ADCY2: variants seen among roughly 807,000 people sequenced by gnomAD.
ADCY2 encodes adenylate cyclase 2, also known as adenylate cyclase type 2.
ADCY2 carries 31 observed loss-of-function variants against 125.2 expected under a neutral mutation model. The ratio of observed to expected loss-of-function variants is 0.25; its 90% CI spans 0.19 to 0.33. The LOEUF (loss-of-function observed/expected upper bound fraction) is 0.33. Among genes scored for constraint, ADCY2 ranks in the 10% least tolerant of loss-of-function variants. The pLI, the probability that ADCY2 is intolerant of heterozygous loss-of-function variation, is 1.00. For synonymous variants in ADCY2, 512 were observed against 548.4 expected, an observed-to-expected ratio of 0.93 and a Z score of 0.93; for missense variants, 904 against 1,418.2, an observed-to-expected ratio of 0.64 and a Z score of 5.82.
intron 4 of ADCY2, among the ~76,000 whole-genome samples, chr5:7,644,050 T>A (rs1418233402): frequency 3.3e-5 from 5 of 152,138 alleles, no homozygotes; most frequent in Admixed American, 2.6e-4. Flanking sequence ...TCTCTTATTT[T>A]AAAATAAATA....
chr5:7,606,523 T>A (rs1159866891), intron 3 of ADCY2, among the ~76,000 whole-genome samples: 1 of 152,234 alleles, frequency 6.6e-6, no homozygotes, highest in East Asian at 1.9e-4. Flanking sequence ...TAAATCTAAA[T>A]TTGGTCCATG....
In ADCY2 at chr5:7,709,218, G is replaced by A. The variant is rs1286144658; in HGVS notation, c.1409G>A (p.Arg470Gln). 4 of 1,608,956 alleles carry A rather than the reference G, an allele frequency of 2.5e-6. No homozygotes were observed. The highest frequency in any genetic ancestry group is 1.7e-5 in the Admixed American group (1 of 59,262). ...TTTGTTTCTCACCCCAAGGGAGAAC[G>A]ACGGAGCCCCCAGCATCTCTTCAGA... ...TYFVINPKGE[R>Q]RSPQHLFRPR... The change falls in exon 10 of 25, where the codon CGA becomes CAA. Residue 470 changes from arginine to glutamine, a missense_variant. Transcript: ENST00000338316. The surrounding 1 kb of genome is among the most constrained non-coding windows in gnomAD (Gnocchi z 4.4).
At chr5:7,466,746 A>C (rs1417351102) in intron 2 of ADCY2, among the ~76,000 whole-genome samples, 2 of 152,190 alleles carry the variant, frequency 1.3e-5, no homozygotes, top group African/African-American at 4.8e-5. Context: ...CATCATTTCA[A>C]ATTGAATCAG....
chr5:7,483,813 A>G (rs1742826830), intron 2 of ADCY2, among the ~76,000 whole-genome samples: 1 of 152,198 alleles, frequency 6.6e-6, no homozygotes, highest in Admixed American at 6.5e-5. Flanking sequence ...ATCTGGTTCA[A>G]TACACAAAAT....
At position 7,396,801 on chromosome 5, in the gene ADCY2, C is replaced by A. The variant is rs1258744229; in HGVS notation, c.210+295C>A. On this transcript the variant is annotated intron_variant, in intron 1 of 24. Transcript: ENST00000338316. The surrounding 1 kb of genome is among the most constrained non-coding windows in gnomAD (Gnocchi z 5.7). ...GTGTGCTTTTTGCATCTTTGCGCAC[C>A]CGCTGGCAAACTCTGCGCTTTCCGC... 6.6e-6 allele frequency among the ~76,000 whole-genome samples: 1 copy of A among 152,148 alleles called. No homozygotes were observed. Among genetic ancestry groups the A allele is most frequent in the Non-Finnish European group, 1.5e-5 (1 of 68,018 alleles).
chr5:7,664,910 C>A (rs890969), intron 4 of ADCY2, among the ~76,000 whole-genome samples: 23,522 of 152,102 alleles, frequency 0.15, 1,876 homozygotes, highest in Middle Eastern at 0.21. Flanking sequence ...TCATTGATCC[C>A]AGGTCTTCAG....
chr5:7,572,974 T>C (rs1736111249), intron 3 of ADCY2, among the ~76,000 whole-genome samples: 1 of 152,060 alleles, frequency 6.6e-6, no homozygotes, highest in Non-Finnish European at 1.5e-5. Flanking sequence ...GTCTTTAGGG[T>C]GGGCTGTAAT....
At chr5:7,534,133 G>C (rs1243721491) in intron 3 of ADCY2, among the ~76,000 whole-genome samples, 1 of 152,150 alleles carries the variant, frequency 6.6e-6, no homozygotes, top group Non-Finnish European at 1.5e-5. Flanking sequence ...CTACCTCTGG[G>C]CAGGCCCCTC....
chr5:7,561,920 G>A (rs934094655), intron 3 of ADCY2, among the ~76,000 whole-genome samples: 2 of 152,072 alleles, frequency 1.3e-5, no homozygotes, highest in African/African-American at 4.8e-5. Flanking sequence ...ATAATACTAA[G>A]TCTTCACACT....
intron 2 of ADCY2, among the ~76,000 whole-genome samples, chr5:7,504,676 G>A (rs1375148404): frequency 2.0e-5 from 3 of 147,166 alleles, no homozygotes; most frequent in African/African-American, 5.1e-5. Flanking sequence ...GCAGTGGTGC[G>A]ATCTTGGGTG....
chr5:7,643,630 A>C (rs539898540), intron 4 of ADCY2, among the ~76,000 whole-genome samples: 2 of 152,012 alleles, frequency 1.3e-5, no homozygotes, highest in Non-Finnish European at 2.9e-5. Flanking sequence ...AGCTTCTTTA[A>C]ACATTTATCT....
At chr5:7,672,097 A>C (rs1010664298) in intron 4 of ADCY2, among the ~76,000 whole-genome samples, 1 of 152,200 alleles carries the variant, frequency 6.6e-6, no homozygotes, top group African/African-American at 2.4e-5. Flanking sequence ...ATCAGGACAC[A>C]AGGAGGTGGT....
At chr5:7,572,704 G>A (rs1281476426) in intron 3 of ADCY2, among the ~76,000 whole-genome samples, 3 of 152,076 alleles carry the variant, frequency 2.0e-5, no homozygotes, top group African/African-American at 7.2e-5. Context: ...TGAAATCTTT[G>A]CCAGTGCCTA....
In ADCY2 at chr5:7,829,204, T is replaced by TC. The variant is rs1054459855; in HGVS notation, c.*2337dup. On this transcript the variant is annotated 3_prime_UTR_variant, in exon 25 of 25. Coordinates refer to ENST00000338316, the MANE Select transcript of ADCY2 (RefSeq NM_020546.3). The stretch of plus-strand genomic sequence containing the variant: ...CTGAAGGAGGACCCTGAATTTGAGA[T>TC]CCCCGGGGCTGGGGCCCAGCACAAC... The TC allele has an allele frequency of 6.6e-6, 1 of 152,566 alleles. No homozygotes were observed. Among genetic ancestry groups the TC allele is most frequent in the Non-Finnish European group, 1.5e-5 (1 of 68,040 alleles). The allele number at this position is 152,566 out of a possible 1,614,324, so 9.5% of individuals were successfully genotyped here.
At position 7,702,639 on chromosome 5, in the gene ADCY2, T is replaced by G. The variant is rs184977398; in HGVS notation, c.1110-4105T>G. 2.4e-3 allele frequency among the ~76,000 whole-genome samples: 359 copies of G among 152,358 alleles called. 4 individuals carry two copies. The highest frequency in any genetic ancestry group is 8.1e-3 in the African/African-American group (336 of 41,594). ...ATCCAATCTATCACTGATGGACATT[T>G]GGGTTGGTTCCAAGTCTTTGCTATT... On this transcript the variant is annotated intron_variant, in intron 7 of 24. Coordinates refer to ENST00000338316, the MANE Select transcript of ADCY2 (RefSeq NM_020546.3).
chr5:7,802,609 G>A lies in ADCY2; in HGVS notation c.2775+245G>A, dbSNP rs1010706676. ...GCTACCAAAATCTGTTAAATCAAAT[G>A]TGTATCCAGTGTGCTAGTGGATTCT... On this transcript the variant is annotated intron_variant, in intron 21 of 24. Transcript: ENST00000338316. The surrounding 1 kb of genome is among the most constrained non-coding windows in gnomAD (Gnocchi z 4.6). 6.6e-6 allele frequency among the ~76,000 whole-genome samples: 1 copy of A among 152,228 alleles called. No individual in the cohort carries two copies. Among genetic ancestry groups the A allele is most frequent in the Non-Finnish European group, 1.5e-5 (1 of 68,034 alleles).
At chr5:7,676,371 A>T (rs973918046) in intron 4 of ADCY2, among the ~76,000 whole-genome samples, 7 of 152,236 alleles carry the variant, frequency 4.6e-5, no homozygotes, top group African/African-American at 1.7e-4. Context: ...ATTTCAATGG[A>T]TCACTAAAGG....
intron 2 of ADCY2, among the ~76,000 whole-genome samples, chr5:7,494,419 G>A (rs1450588152): frequency 2.0e-5 from 3 of 151,952 alleles, no homozygotes; most frequent in South Asian, 4.2e-4. Context: ...TCAACTCTAC[G>A]CTTTCCCTCC....
intron 3 of ADCY2, among the ~76,000 whole-genome samples, chr5:7,567,033 G>A (rs1214787735): frequency 6.6e-6 from 1 of 152,116 alleles, no homozygotes; most frequent in African/African-American, 2.4e-5. Flanking sequence ...ACATTTGTGA[G>A]ATTCTTTTCA....
Sources: gnomAD v4.1 joint callset for allele counts (sites outside exome capture counted in the v4.1 genomes callset) on GRCh38, gnomAD v4.1.1 for gene constraint, Gnocchi (gnomAD v3.1) non-coding constraint, MANE v1.5 for transcripts, NCBI Gene and HGNC (gene_info 2026-07-23, HGNC 2026-07-21) for gene names.